GPC6: variants seen among roughly 807,000 people sequenced by gnomAD.
GPC6 encodes the protein glypican-6.
A neutral mutation model predicts 55.2 loss-of-function variants in GPC6; 14 were observed. The ratio of observed to expected loss-of-function variants is 0.25; its 90% CI spans 0.17 to 0.40. The LOEUF is 0.40. Ranked by LOEUF, GPC6 falls within the 10% of genes least tolerant of loss-of-function variation. GPC6 has a pLI of 1.00. For missense variants in GPC6, 641 were observed against 708.5 expected, an observed-to-expected ratio of 0.90 and a Z score of 1.08; for synonymous variants, 278 against 259.6, an observed-to-expected ratio of 1.07 and a Z score of -0.68.
intron 1 of GPC6, among the ~76,000 whole-genome samples, chr13:93,358,785 A>G (rs182401047): frequency 6.6e-6 from 1 of 152,170 alleles, no homozygotes; most frequent in African/African-American, 2.4e-5. Context: ...ATTTTATGTA[A>G]GTGGCTCCAG....
At chr13:94,071,257 G>A (rs1038474987) in intron 4 of GPC6, among the ~76,000 whole-genome samples, 3 of 152,152 alleles carry the variant, frequency 2.0e-5, no homozygotes, top group Non-Finnish European at 1.5e-5. Flanking sequence ...CTTTCGTGTA[G>A]AGGGTTTTTA....
At chr13:93,858,813 A>T (rs897407215) in intron 3 of GPC6, among the ~76,000 whole-genome samples, 7 of 151,426 alleles carry the variant, frequency 4.6e-5, no homozygotes, top group Non-Finnish European at 7.4e-5. Flanking sequence ...GAATAGGAGG[A>T]GAGTCACTGT....
intron 3 of GPC6, among the ~76,000 whole-genome samples, chr13:93,865,088 A>G (rs1888920751): frequency 6.6e-6 from 1 of 151,648 alleles, no homozygotes; most frequent in South Asian, 2.1e-4. Context: ...TGACACCATA[A>G]AAAAACTAAA....
At chr13:94,216,933 A>T (rs558728360) in intron 4 of GPC6, among the ~76,000 whole-genome samples, 1 of 152,328 alleles carries the variant, frequency 6.6e-6, no homozygotes, top group South Asian at 2.1e-4. Flanking sequence ...AAGTCAGAAG[A>T]TCTGGGTCTC....
chr13:94,086,788 A>C (rs939344446), intron 4 of GPC6, among the ~76,000 whole-genome samples: 2 of 152,220 alleles, frequency 1.3e-5, no homozygotes, highest in African/African-American at 2.4e-5. Flanking sequence ...ATTTTTTAAT[A>C]ATCTTTTTAA....
At chr13:94,225,421 T>C (rs902196313) in intron 4 of GPC6, among the ~76,000 whole-genome samples, 9 of 152,120 alleles carry the variant, frequency 5.9e-5, no homozygotes, top group African/African-American at 2.2e-4. Context: ...TTCACATTAC[T>C]CTCATACGGA....
At position 94,233,453 on chromosome 13, in the gene GPC6, C is replaced by T. The variant is rs116380537; in HGVS notation, c.878-52896C>T. On this transcript the variant is annotated intron_variant, in intron 4 of 8. Transcript: ENST00000377047. The stretch of plus-strand genomic sequence containing the variant: ...TCTTTCACTTTTTTGGTTTCAGTTA[C>T]CCACAGCCAACTATAGCTTGAAAAT... Among the ~76,000 whole-genome samples, 1,005 of 152,246 alleles carry T rather than the reference C, an allele frequency of 6.6e-3. 18 individuals are homozygous for T. The highest frequency in any genetic ancestry group is 0.023 in the African/African-American group (956 of 41,532).
chr13:93,434,917 G>A (rs1877511761), intron 1 of GPC6, among the ~76,000 whole-genome samples: 1 of 152,096 alleles, frequency 6.6e-6, no homozygotes, highest in African/African-American at 2.4e-5. Context: ...ATATTGGCCA[G>A]GATGGTCTCG....
intron 1 of GPC6, among the ~76,000 whole-genome samples, chr13:93,531,781 C>T (rs577095437): frequency 9.2e-5 from 14 of 152,210 alleles, no homozygotes; most frequent in African/African-American, 1.7e-4. Context: ...AATACATATA[C>T]GTTGTAAAAA....
chr13:93,322,789 T>C (rs1005831308), intron 1 of GPC6, among the ~76,000 whole-genome samples: 2 of 152,076 alleles, frequency 1.3e-5, no homozygotes, highest in Non-Finnish European at 2.9e-5. Flanking sequence ...AATTTGTTTG[T>C]TTTTATTTTT....
At chr13:94,033,488 A>G (rs931303686) in intron 4 of GPC6, among the ~76,000 whole-genome samples, 1 of 152,212 alleles carries the variant, frequency 6.6e-6, no homozygotes. Flanking sequence ...GATATTAGAA[A>G]ATAAACATTT....
At chr13:94,398,380 C>T (rs745539562) in intron 7 of GPC6, 86 bp from the exon 8 acceptor site, 216 of 1,004,188 alleles carry the variant, frequency 2.2e-4, no homozygotes, top group Middle Eastern at 5.9e-4. Flanking sequence ...CTGTCAGAGA[C>T]AGTCATCTGG....
intron 3 of GPC6, among the ~76,000 whole-genome samples, chr13:93,868,551 T>C (rs1264044425): frequency 6.6e-6 from 1 of 151,802 alleles, no homozygotes; most frequent in Non-Finnish European, 1.5e-5. Context: ...TTTGGATATT[T>C]ATGGAGAAAA....
intron 2 of GPC6, among the ~76,000 whole-genome samples, chr13:93,574,110 A>G (rs1394123869): frequency 1.3e-5 from 2 of 152,056 alleles, no homozygotes; most frequent in Non-Finnish European, 2.9e-5. Context: ...TATTTTATTG[A>G]GATATAATTT....
intron 4 of GPC6, among the ~76,000 whole-genome samples, chr13:94,251,328 C>T (rs1373585604): frequency 6.6e-6 from 1 of 151,754 alleles, no homozygotes; most frequent in Non-Finnish European, 1.5e-5. Flanking sequence ...CGGGGGAGAG[C>T]ATTAGGACAA....
At chr13:94,179,255 A>G (rs1888901693) in intron 4 of GPC6, among the ~76,000 whole-genome samples, 1 of 152,228 alleles carries the variant, frequency 6.6e-6, no homozygotes, top group African/African-American at 2.4e-5. Flanking sequence ...CATCTTCTTC[A>G]GGTGTCAAAT....
At position 93,789,503 on chromosome 13, in the gene GPC6, C is replaced by CTATA. The variant is rs1202956633; in HGVS notation, c.320-40650_320-40649insATAT. Among the ~76,000 whole-genome samples the CTATA allele has an allele frequency of 1.0e-3, 81 of 78,542 alleles. 2 individuals carry two copies. The East Asian group carries it at 0.024, about 23-fold the overall frequency. The allele number at this position is 78,542 out of a possible 152,430, so 51.5% of individuals were successfully genotyped here. ...GTGAACTCTCTCTCTCTCTCTCTCT[C>CTATA]TCTCTCTATATATATATATATATAT... On this transcript the variant is annotated intron_variant, in intron 2 of 8. Coordinates refer to ENST00000377047, the MANE Select transcript of GPC6 (RefSeq NM_005708.5).
chr13:94,281,499 C>A (rs1022878100), intron 4 of GPC6, among the ~76,000 whole-genome samples: 1 of 152,138 alleles, frequency 6.6e-6, no homozygotes, highest in African/African-American at 2.4e-5. Flanking sequence ...AGGTTAAAGT[C>A]AGTGGCATTC....
intron 3 of GPC6, among the ~76,000 whole-genome samples, chr13:93,875,736 G>A (rs774585550): frequency 2.0e-5 from 3 of 152,020 alleles, no homozygotes; most frequent in Non-Finnish European, 4.4e-5. Flanking sequence ...GCATGGGAGA[G>A]ATATTCAAGC....
Sources: allele counts gnomAD v4.1 joint callset (sites outside exome capture counted in the v4.1 genomes callset), GRCh38; gene constraint gnomAD v4.1.1; transcripts MANE v1.5; gene names NCBI Gene and HGNC (gene_info 2026-07-23, HGNC 2026-07-21).